The following FAM180A variants were observed in gnomAD, a reference collection of about 807,000 sequenced individuals.
The protein encoded by FAM180A is family with sequence similarity 180 member A, also known as protein FAM180A.
In FAM180A, 14 loss-of-function variants were observed where a neutral mutation model predicts 15.3. The ratio of observed to expected loss-of-function variants is 0.92; its 90% CI spans 0.61 to 1.43. The LOEUF (loss-of-function observed/expected upper bound fraction) is 1.43, where lower values mean the gene tolerates loss of function less well. Among genes scored for constraint, FAM180A ranks in the 40% most tolerant of loss-of-function variants. The pLI is 0.00. For synonymous variants in FAM180A, 90 were observed against 96.8 expected (o/e 0.93, Z 0.41); for missense variants, 200 against 220.8 (o/e 0.91, Z 0.60).
chr7:135,746,056 G>A (rs551736984), intron 1 of FAM180A, among the ~76,000 whole-genome samples: 1 of 152,120 alleles, frequency 6.6e-6, no homozygotes, highest in Non-Finnish European at 1.5e-5. Context: ...TTTGATGATG[G>A]TTGGAGGGAC....
chr7:135,732,689 TCACACACACACACACACA>T (rs143588470), intron 3 of FAM180A, among the ~76,000 whole-genome samples: 4,408 of 141,860 alleles, frequency 0.031, 217 homozygotes, highest in Admixed American at 0.13. Flanking sequence ...CGAGACTCCA[TCACACACACACACACACA>T]CACACACACA....
At chr7:135,736,150 G>A (rs1796867452) in intron 2 of FAM180A, among the ~76,000 whole-genome samples, 1 of 151,730 alleles carries the variant, frequency 6.6e-6, no homozygotes, top group Non-Finnish European at 1.5e-5. Context: ...AGCCTCCTGA[G>A]TGGCTGGGAT....
intron 1 of FAM180A, among the ~76,000 whole-genome samples, chr7:135,745,336 TATTCATATCCTTAATAGGTGCATATTTC>T (rs939697835): frequency 2.0e-5 from 3 of 152,236 alleles, no homozygotes; most frequent in Admixed American, 6.5e-5. Context: ...AAAGCATAGC[TATTCATATCCTTAATAGGTGCATATTTC>T]ATTCATATCC....
intron 1 of FAM180A, among the ~76,000 whole-genome samples, chr7:135,737,544 G>A (rs769114567): frequency 5.5e-4 from 78 of 141,008 alleles, no homozygotes; most frequent in Non-Finnish European, 1.9e-4. Flanking sequence ...CCGAGACTGC[G>A]CCATTGCACT....
intron 1 of FAM180A, among the ~76,000 whole-genome samples, chr7:135,743,223 T>G (rs1489294796): frequency 1.5e-5 from 2 of 133,484 alleles, no homozygotes. Context: ...TGTTCCTTTT[T>G]TTTTTTTTTT....
intron 3 of FAM180A, among the ~76,000 whole-genome samples, chr7:135,731,880 G>A (rs1178073493): frequency 1.3e-5 from 2 of 152,190 alleles, no homozygotes; most frequent in African/African-American, 2.4e-5. Flanking sequence ...AATGACAACT[G>A]TTAAATACCC....
rs892810937 is a variant in FAM180A at position 135,730,056 on chromosome 7, G to A, written c.*555C>T. On this transcript the variant is annotated 3_prime_UTR_variant, in exon 4 of 4. Transcript: ENST00000338588. The stretch of plus-strand genomic sequence containing the variant: ...GATTGAAATGGATTAGGAAAGTAAG[G>A]GGTGTTGTAAAAAGTCATTTAACAA... 7.1e-6 allele frequency: 7 copies of A among 985,108 alleles called. No homozygotes were observed. The highest frequency in any genetic ancestry group is 6.2e-5 in the Admixed American group (1 of 16,254). 61.0% of individuals were successfully genotyped at this position (985,108 alleles called of 1,614,324 possible). A position where few individuals can be genotyped will look rare whatever the true frequency, so the allele number is the denominator to read the frequency against.
chr7:135,732,510 T>A (rs573799718), intron 3 of FAM180A, among the ~76,000 whole-genome samples: 1 of 152,284 alleles, frequency 6.6e-6, no homozygotes, highest in Non-Finnish European at 1.5e-5. Context: ...CTGGCCAACA[T>A]GGCGAAAAAC....
chr7:135,742,289 A>G (rs1290146977), intron 1 of FAM180A, among the ~76,000 whole-genome samples: 2 of 152,234 alleles, frequency 1.3e-5, no homozygotes, highest in African/African-American at 4.8e-5. Flanking sequence ...TTCACAATGT[A>G]CAGTCACTCC....
Position 135,730,059 on chromosome 7 carries a change from T to C in FAM180A, c.*552A>G. ...TGAAATGGATTAGGAAAGTAAGGGG[T>C]GTTGTAAAAAGTCATTTAACAAGCA... On this transcript the variant is annotated 3_prime_UTR_variant, in exon 4 of 4. Coordinates refer to ENST00000338588, the MANE Select transcript of FAM180A (RefSeq NM_205855.4). 1.0e-6 allele frequency: 1 copy of C among 984,962 alleles called. No homozygotes were observed. The allele number at this position is 984,962 out of a possible 1,614,324, so 61.0% of individuals were successfully genotyped here.
intron 3 of FAM180A, among the ~76,000 whole-genome samples, 177 bp from the exon 4 acceptor site, chr7:135,730,458 C>T (rs567935452): frequency 9.2e-5 from 14 of 152,188 alleles, no homozygotes; most frequent in Non-Finnish European, 1.5e-4. Context: ...GTGGGAGAAT[C>T]GTTTGAACAC....
chr7:135,739,781 T>A (rs925018457), intron 1 of FAM180A, among the ~76,000 whole-genome samples: 1 of 152,138 alleles, frequency 6.6e-6, no homozygotes, highest in Non-Finnish European at 1.5e-5. Flanking sequence ...ATGGGCTTAT[T>A]ATAGTATTGC....
intron 1 of FAM180A, among the ~76,000 whole-genome samples, chr7:135,747,882 C>T (rs1387952927): frequency 6.6e-6 from 1 of 152,154 alleles, no homozygotes; most frequent in Non-Finnish European, 1.5e-5. Context: ...AGATGCCATC[C>T]AGCTAGGAGG....
intron 2 of FAM180A, among the ~76,000 whole-genome samples, chr7:135,734,710 C>T (rs889869776): frequency 6.6e-6 from 1 of 152,148 alleles, no homozygotes; most frequent in African/African-American, 2.4e-5. Context: ...TCTAAAGCAT[C>T]AACTATTTCG....
At chr7:135,732,618 G>A (rs1796799771) in intron 3 of FAM180A, among the ~76,000 whole-genome samples, 2 of 151,686 alleles carry the variant, frequency 1.3e-5, no homozygotes, top group South Asian at 2.1e-4. Flanking sequence ...GCTTGAACCC[G>A]GGAGGCAGAC....
intron 3 of FAM180A, among the ~76,000 whole-genome samples, chr7:135,733,041 C>T (rs1385102056): frequency 6.6e-6 from 1 of 152,104 alleles, no homozygotes; most frequent in Admixed American, 6.6e-5. Flanking sequence ...GGGCTGTGGG[C>T]CCCTTCCTGT....
chr7:135,746,402 G>C (rs2129496312), intron 1 of FAM180A, among the ~76,000 whole-genome samples: 1 of 152,262 alleles, frequency 6.6e-6, no homozygotes, highest in East Asian at 1.9e-4. Flanking sequence ...AATAGCATGA[G>C]GGTTTTATTG....
rs112307853 is a variant in FAM180A at position 135,746,283 on chromosome 7, T to C, written c.76+2222A>G. ...GTTAAGAGCCTTAAACTTCCTTTAA[T>C]GAAAAATTTTTATTTTTCAAAAACT... On this transcript the variant is annotated intron_variant, in intron 1 of 3. Coordinates refer to ENST00000338588, the MANE Select transcript of FAM180A (RefSeq NM_205855.4). Among the ~76,000 whole-genome samples, 255 of 152,324 alleles carry C rather than the reference T, an allele frequency of 1.7e-3. 4 individuals are homozygous for C. Among genetic ancestry groups the C allele is most frequent in the Non-Finnish European group, 5.9e-5 (4 of 68,028 alleles).
rs143588470 is a variant in FAM180A, at chr7:135,732,689, TCACACACACACACACACACACACACACA to T, written c.*329+929_*329+956del. Among the ~76,000 whole-genome samples the T allele has an allele frequency of 5.2e-4, 74 of 141,952 alleles. 1 individual carries two copies. The East Asian group carries it at 0.015, about 28-fold the overall frequency. 93.1% of individuals were successfully genotyped at this position (141,952 alleles called of 152,430 possible). A position where few individuals can be genotyped will look rare whatever the true frequency, so the allele number is the denominator to read the frequency against. ...GCCAGGATGGCAGAGCGAGACTCCATCACACACACACACACACACACACACACACACACACACACACACACACACACAA... is the reference window on the plus strand; with the variant it reads ...GCCAGGATGGCAGAGCGAGACTCCATCACACACACACACACACACACACAA... On this transcript the variant is annotated intron_variant, in intron 3 of 3. Coordinates refer to ENST00000338588, the MANE Select transcript of FAM180A (RefSeq NM_205855.4).
Sources: allele counts gnomAD v4.1 joint callset (sites outside exome capture counted in the v4.1 genomes callset), GRCh38; gene constraint gnomAD v4.1.1; transcripts MANE v1.5; gene names NCBI Gene and HGNC (gene_info 2026-07-23, HGNC 2026-07-21).